PTCH1: variants seen among roughly 807,000 people sequenced by gnomAD.
PTCH1 encodes the protein patched 1.
A neutral mutation model predicts 144.6 loss-of-function variants in PTCH1; 14 were observed. The observed-to-expected ratio is 0.10, with a 90% CI of 0.06 to 0.15. PTCH1 has a LOEUF of 0.15. Ranked by LOEUF, PTCH1 falls within the 10% of genes least tolerant of loss-of-function variation. PTCH1 has a pLI of 1.00. For missense variants in PTCH1, 1,623 were observed against 1,948.3 expected (o/e 0.83, Z 3.14); for synonymous variants, 833 against 793.6 (o/e 1.05, Z -0.83).
rs2136606692 is a variant in PTCH1 at position 95,449,781 on chromosome 9, G to C, written c.3549+60C>G. On this transcript the variant is annotated intron_variant, in intron 21 of 23. Coordinates refer to ENST00000331920, the MANE Select transcript of PTCH1 (RefSeq NM_000264.5). This position sits in a 1 kb window ranked among gnomAD's most constrained non-coding sequence, Gnocchi z 5.3. ...CACCTAAGTATCGAAGTGAAGAGCG[G>C]CACAGGAAACACAGCATTCAGCCGG... 6.8e-7 allele frequency: 1 copy of C among 1,461,714 alleles called. No homozygotes were observed. Among genetic ancestry groups the C allele is most frequent in the East Asian group, 2.3e-5 (1 of 43,722 alleles). 90.5% of individuals were successfully genotyped at this position (1,461,714 alleles called of 1,614,324 possible).
rs73542177 is a variant in PTCH1 at position 95,463,985 on chromosome 9, C to T, written c.2561-1987G>A. 9.9e-3 allele frequency among the ~76,000 whole-genome samples: 1,506 copies of T among 152,156 alleles called. 15 individuals carry two copies. The highest frequency in any genetic ancestry group is 0.033 in the African/African-American group (1,381 of 41,494). Reference sequence around the variant, plus strand: ...AAACGGGGTCCCCAAAATCTGGGGGCGGTTTTATGATATTCACACACAAAG... The same window carrying T: ...AAACGGGGTCCCCAAAATCTGGGGGTGGTTTTATGATATTCACACACAAAG... On this transcript the variant is annotated intron_variant, in intron 15 of 23. Coordinates refer to ENST00000331920, the MANE Select transcript of PTCH1 (RefSeq NM_000264.5).
chr9:95,448,725 A>T lies in PTCH1; in HGVS notation c.3804+344T>A, dbSNP rs576615310. ...ATCACTCTCAAATGACATGCACCTTAAGAGGAAAAAAAAAAAAAAGGCAGG... is the reference window on the plus strand; with the variant it reads ...ATCACTCTCAAATGACATGCACCTTTAGAGGAAAAAAAAAAAAAAGGCAGG... On this transcript the variant is annotated intron_variant, in intron 22 of 23. Transcript: ENST00000331920. Among the ~76,000 whole-genome samples, 6 of 151,106 alleles carry T rather than the reference A, an allele frequency of 4.0e-5. No homozygotes were observed. In the South Asian group the frequency reaches 1.3e-3, roughly 32 times the overall value.
chr9:95,470,708 G>T (rs1409290130), intron 12 of PTCH1, among the ~76,000 whole-genome samples: 1 of 152,122 alleles, frequency 6.6e-6, no homozygotes, highest in Non-Finnish European at 1.5e-5. Flanking sequence ...GGAAGGGCAC[G>T]GCAGAAGGGG....
At chr9:95,464,046 A>G (rs1839781620) in intron 15 of PTCH1, among the ~76,000 whole-genome samples, 1 of 152,238 alleles carries the variant, frequency 6.6e-6, no homozygotes, top group African/African-American at 2.4e-5. Context: ...CAAAGGAAGA[A>G]AGATCCTATC....
intron 18 of PTCH1, 135 bp downstream of exon 18, chr9:95,457,878 T>G: frequency 8.1e-7 from 1 of 1,235,632 alleles, no homozygotes. Flanking sequence ...CCACCTCGAG[T>G]AGAATAAACA....
intron 22 of PTCH1, among the ~76,000 whole-genome samples, chr9:95,447,978 G>A (rs1838115203): frequency 6.6e-6 from 1 of 152,240 alleles, no homozygotes; most frequent in South Asian, 2.1e-4. Flanking sequence ...GTGCTCCACA[G>A]CCACGTGTGG....
At chr9:95,447,708 A>C (rs1043597347) in intron 22 of PTCH1, among the ~76,000 whole-genome samples, 3 of 152,130 alleles carry the variant, frequency 2.0e-5, no homozygotes, top group African/African-American at 7.2e-5. Context: ...GCTGCCCATA[A>C]ATGTGGGCTG....
At chr9:95,477,437 A>G in intron 10 of PTCH1, 110 bp downstream of exon 10, 1 of 1,464,878 alleles carries the variant, frequency 6.8e-7, no homozygotes, top group Non-Finnish European at 9.6e-7. Flanking sequence ...AAAAGGCTGC[A>G]AGACCCTTCC....
rs138034434 is a variant in PTCH1 at position 95,485,709 on chromosome 9, C to T, written c.560G>A (p.Arg187His). The T allele has an allele frequency of 1.9e-5, 30 of 1,613,972 alleles. No homozygotes were observed. In the African/African-American group the frequency reaches 2.8e-4, roughly 15 times the overall value. ...QHLDSALQAS[R>H]VHVYMYNRQW... ...CCTGTTGTACATGTATACATGGACA[C>T]GGCTGGCCTGGAGTGCCGAGTCCAG... The change falls in exon 3 of 24, where the codon CGT becomes CAT. Residue 187 changes from arginine to histidine, a missense_variant. Physicochemically the swap from Arg to His is conservative, Grantham distance 29 (BLOSUM62 0). Coordinates refer to ENST00000331920, the MANE Select transcript of PTCH1 (RefSeq NM_000264.5).
chr9:95,482,390 C>T (rs374876062), intron 3 of PTCH1, 187 bp from the exon 4 acceptor site: 80 of 616,638 alleles, frequency 1.3e-4, no homozygotes, highest in African/African-American at 7.4e-4. Context: ...AATACTCAAT[C>T]GTAATTAACA....
chr9:95,467,343 G>T lies in PTCH1; in HGVS notation c.2333C>A (p.Thr778Lys). Residue 778 changes from threonine to lysine, a missense_variant, in exon 15 of 24, where the codon ACG becomes AAG. Physicochemically the swap from Thr to Lys is moderately conservative, Grantham distance 78. Transcript: ENST00000331920. ...TCTGGTTTCCCGAGGTACAATGTCC[G>T]TAAGGTCCAGCCCGTCTCTCACTCG... is the stretch of plus-strand genomic sequence containing the variant. ...TTRVRDGLDL[T>K]DIVPRETREY... 3 of 1,614,178 alleles carry T rather than the reference G, an allele frequency of 1.9e-6. No individual in the cohort carries two copies. Among genetic ancestry groups the T allele is most frequent in the Non-Finnish European group, 2.5e-6 (3 of 1,180,018 alleles).
rs2136596993 is a variant in PTCH1 at position 95,449,096 on chromosome 9, T to C, written c.3777A>G (p.Thr1259=). The change falls in exon 22 of 24, where the codon ACA becomes ACG. Residue 1259 remains threonine, a synonymous_variant. Transcript: ENST00000331920. The surrounding 1 kb of genome is among the most constrained non-coding windows in gnomAD (Gnocchi z 5.3). ...TGGAGTGGGCGAAGACGGGGTTTTC[T>C]GTGGCTTCCACGATCACTTGGTGGG... ...GPAHQVIVEA[T]ENPVFAHSTV... is the part of the protein sequence containing the mutation. 6.2e-7 allele frequency: 1 copy of C among 1,614,228 alleles called. No individual in the cohort carries two copies. Among genetic ancestry groups the C allele is most frequent in the Non-Finnish European group, 8.5e-7 (1 of 1,180,038 alleles).
Position 95,476,492 on chromosome 9 carries a change from G to C in PTCH1, c.1602+267C>G, listed in dbSNP as rs1209332478. Among the ~76,000 whole-genome samples the C allele has an allele frequency of 1.3e-5, 2 of 152,230 alleles. No homozygotes were observed. The highest frequency in any genetic ancestry group is 2.9e-5 in the Non-Finnish European group (2 of 68,038). ...AGAAGCAAATGCAGGCTCTGGGAAT[G>C]TATGGCAGTTAGGGATAAAGTGTCA... On this transcript the variant is annotated intron_variant, in intron 11 of 23. Coordinates refer to ENST00000331920, the MANE Select transcript of PTCH1 (RefSeq NM_000264.5). This position sits in a 1 kb window ranked among gnomAD's most constrained non-coding sequence, Gnocchi z 4.6.
chr9:95,450,315 G>A, intron 20 of PTCH1: 1 of 331,682 alleles, frequency 3.0e-6, no homozygotes, highest in African/African-American at 2.1e-5. Context: ...ACAATGCCGA[G>A]GGGCCCCGCT....
At chr9:95,504,835 AAT>A (rs1843439040) in intron 2 of PTCH1, among the ~76,000 whole-genome samples, 4 of 152,032 alleles carry the variant, frequency 2.6e-5, no homozygotes, top group African/African-American at 9.7e-5. Context: ...ATCGAATTCT[AAT>A]AGTTTTAAAT....
At chr9:95,498,333 G>A (rs1289233965) in intron 2 of PTCH1, among the ~76,000 whole-genome samples, 1 of 152,166 alleles carries the variant, frequency 6.6e-6, no homozygotes, top group Admixed American at 6.5e-5. Context: ...TCACACCTGG[G>A]TTTCTGGATT....
At position 95,458,201 on chromosome 9, in the gene PTCH1, C is replaced by T. The variant is rs1588540545; in HGVS notation, c.2980G>A (p.Val994Ile). Residue 994 changes from valine (V) to isoleucine (I), a missense_variant, in exon 18 of 24, where the codon GTA becomes ATA. Physicochemically the swap from Val to Ile is conservative, Grantham distance 29. Coordinates refer to ENST00000331920, the MANE Select transcript of PTCH1 (RefSeq NM_000264.5). The surrounding 1 kb of genome is among the most constrained non-coding windows in gnomAD (Gnocchi z 4.7). ...TSDFVEAIEK[V>I]RTICSNYTSL... ...GTATAGTTGCTGCAGATGGTCCTTA[C>T]TTTTTCAATTGCCTCCACAAAGTCT... is the stretch of plus-strand genomic sequence containing the variant. The T allele has an allele frequency of 1.9e-6, 3 of 1,614,142 alleles. No individual in the cohort carries two copies. Among genetic ancestry groups the T allele is most frequent in the South Asian group, 1.1e-5 (1 of 91,082 alleles).
intron 15 of PTCH1, among the ~76,000 whole-genome samples, chr9:95,462,806 G>A (rs572173330): frequency 1.3e-5 from 2 of 152,316 alleles, no homozygotes; most frequent in East Asian, 1.9e-4. Context: ...CCTGGGGGAT[G>A]GGCGAGCCCG....
Position 95,489,692 on chromosome 9 carries a change from C to T in PTCH1, c.395-3818G>A, listed in dbSNP as rs116125937. Among the ~76,000 whole-genome samples the T allele has an allele frequency of 3.9e-3, 593 of 151,462 alleles. 1 individual carries two copies. Among genetic ancestry groups the T allele is most frequent in the African/African-American group, 0.014 (565 of 41,234 alleles). ...CATATTTTTAAAATAATCTAATGTT[C>T]GTGAAATAGTGCAGAAGAAAATAAC... is the stretch of plus-strand genomic sequence containing the variant. On this transcript the variant is annotated intron_variant, in intron 2 of 23. Coordinates refer to ENST00000331920, the MANE Select transcript of PTCH1 (RefSeq NM_000264.5).
Sources: gnomAD v4.1 joint callset for allele counts (sites outside exome capture counted in the v4.1 genomes callset) on GRCh38, gnomAD v4.1.1 for gene constraint, Gnocchi (gnomAD v3.1) non-coding constraint, MANE v1.5 for transcripts, NCBI Gene and HGNC (gene_info 2026-07-23, HGNC 2026-07-21) for gene names.